The following CHSY3 variants were observed in gnomAD, a reference collection of about 807,000 sequenced individuals.
The protein encoded by CHSY3 is chondroitin sulfate synthase 3.
Under a neutral mutation model 67.2 loss-of-function variants are expected in CHSY3, and 35 were observed. That is an observed-to-expected ratio of 0.52 (90% CI 0.40 to 0.69). The LOEUF (loss-of-function observed/expected upper bound fraction) is 0.69, where lower values mean the gene tolerates loss of function less well. CHSY3 is among the 30% of genes least tolerant of loss of function. The probability of loss-of-function intolerance (pLI) is 0.00; values close to 1 mark genes in which losing one functional copy is unlikely to be tolerated. For missense variants in CHSY3, 1,069 were observed against 1,138.5 expected (o/e 0.94, Z 0.88); for synonymous variants, 474 against 434.7 (o/e 1.09, Z -1.12).
At chr5:130,143,516 G>A (rs185755281) in intron 2 of CHSY3, among the ~76,000 whole-genome samples, 16 of 151,586 alleles carry the variant, frequency 1.1e-4, no homozygotes, top group Non-Finnish European at 1.9e-4. Flanking sequence ...TGCATGGAGC[G>A]ATGGTTTGCT....
chr5:129,938,377 C>T (rs1248222359), intron 2 of CHSY3, among the ~76,000 whole-genome samples: 1 of 152,210 alleles, frequency 6.6e-6, no homozygotes, highest in Non-Finnish European at 1.5e-5. Flanking sequence ...TTCATGTTTA[C>T]TTATGCAAAT....
chr5:130,007,941 A>G (rs747270735), intron 2 of CHSY3, among the ~76,000 whole-genome samples: 1 of 152,100 alleles, frequency 6.6e-6, no homozygotes, highest in African/African-American at 2.4e-5. Flanking sequence ...AAAAGCCACT[A>G]CCATAGCTTT....
In CHSY3 at chr5:129,932,103, CATATATATATAT is replaced by C. The variant is rs33960181; in HGVS notation, c.1086+23772_1086+23783del. ...CCATATGTAATGTAAACCATAAAAC[CATATATATATAT>C]ATATATATATATATATATATATATA... On this transcript the variant is annotated intron_variant, in intron 2 of 2. Transcript: ENST00000305031. 1.1e-3 allele frequency among the ~76,000 whole-genome samples: 124 copies of C among 115,022 alleles called. 2 individuals are homozygous for C. The highest frequency in any genetic ancestry group is 4.0e-3 in the African/African-American group (104 of 26,308). The allele number at this position is 115,022 out of a possible 152,430, so 75.5% of individuals were successfully genotyped here. A position where few individuals can be genotyped will look rare whatever the true frequency, so the allele number is the denominator to read the frequency against.
intron 2 of CHSY3, among the ~76,000 whole-genome samples, chr5:130,118,013 G>A (rs1767873254): frequency 6.6e-6 from 1 of 152,008 alleles, no homozygotes; most frequent in Admixed American, 6.6e-5. Flanking sequence ...GTGAGATCTG[G>A]TTGTTTAAAA....
chr5:130,152,576 T>G (rs1302070162), intron 2 of CHSY3, among the ~76,000 whole-genome samples: 1 of 152,150 alleles, frequency 6.6e-6, no homozygotes, highest in African/African-American at 2.4e-5. Context: ...TAATCAGTGT[T>G]CTCTTGCTAA....
At chr5:129,952,781 A>G (rs1762059535) in intron 2 of CHSY3, among the ~76,000 whole-genome samples, 1 of 152,194 alleles carries the variant, frequency 6.6e-6, no homozygotes, top group Admixed American at 6.5e-5. Context: ...TGAGACAGGA[A>G]GAGAGGAAAA....
At chr5:129,935,995 A>G (rs1761475251) in intron 2 of CHSY3, among the ~76,000 whole-genome samples, 1 of 152,120 alleles carries the variant, frequency 6.6e-6, no homozygotes, top group South Asian at 2.1e-4. Context: ...ACTCGGGCTG[A>G]AAAAAAATCT....
chr5:130,134,118 A>T (rs1312659410), intron 2 of CHSY3, among the ~76,000 whole-genome samples: 1 of 152,176 alleles, frequency 6.6e-6, no homozygotes, highest in Non-Finnish European at 1.5e-5. Flanking sequence ...TACAGAAGTG[A>T]TGTTGCTTTC....
At chr5:130,147,928 T>G (rs1348200516) in intron 2 of CHSY3, among the ~76,000 whole-genome samples, 1 of 152,160 alleles carries the variant, frequency 6.6e-6, no homozygotes, top group Non-Finnish European at 1.5e-5. Flanking sequence ...CATGGGGGGT[T>G]GTTGTACAGA....
intron 2 of CHSY3, among the ~76,000 whole-genome samples, chr5:129,973,518 T>G (rs1337362660): frequency 2.0e-5 from 3 of 152,150 alleles, no homozygotes; most frequent in African/African-American, 2.4e-5. Flanking sequence ...TTAAGTGCAA[T>G]TCAGTTTCTT....
chr5:129,988,645 T>C (rs1316470680), intron 2 of CHSY3, among the ~76,000 whole-genome samples: 1 of 152,204 alleles, frequency 6.6e-6, no homozygotes, highest in Non-Finnish European at 1.5e-5. Flanking sequence ...AATGAATATA[T>C]TGTGCAATAG....
At chr5:130,018,797 C>A (rs1764283361) in intron 2 of CHSY3, among the ~76,000 whole-genome samples, 1 of 152,216 alleles carries the variant, frequency 6.6e-6, no homozygotes. Context: ...GTGATGGGGG[C>A]AGACCCCTCA....
intron 2 of CHSY3, among the ~76,000 whole-genome samples, chr5:129,926,650 T>C (rs959792137): frequency 2.0e-5 from 3 of 151,912 alleles, no homozygotes. Flanking sequence ...GCAGTTGTGG[T>C]AAATCAAATT....
At chr5:129,983,875 C>G (rs1331102856) in intron 2 of CHSY3, among the ~76,000 whole-genome samples, 1 of 151,998 alleles carries the variant, frequency 6.6e-6, no homozygotes, top group African/African-American at 2.4e-5. Flanking sequence ...TCATGAAATT[C>G]TTTGGTCATC....
intron 2 of CHSY3, among the ~76,000 whole-genome samples, chr5:129,954,216 A>G (rs368118079): frequency 6.6e-6 from 1 of 152,122 alleles, no homozygotes; most frequent in Non-Finnish European, 1.5e-5. Context: ...AGTTTTCCCA[A>G]CACCAGTGAT....
chr5:130,159,735 G>C (rs1769475529), intron 2 of CHSY3, among the ~76,000 whole-genome samples: 1 of 152,148 alleles, frequency 6.6e-6, no homozygotes, highest in African/African-American at 2.4e-5. Flanking sequence ...CACATGACTA[G>C]AGGTATGATT....
At chr5:130,103,932 A>G (rs1767333330) in intron 2 of CHSY3, among the ~76,000 whole-genome samples, 1 of 151,968 alleles carries the variant, frequency 6.6e-6, no homozygotes, top group Non-Finnish European at 1.5e-5. Context: ...AGTATCTTAT[A>G]TCTTAAAAGT....
At chr5:130,141,011 C>T in intron 2 of CHSY3, 1 of 331,994 alleles carries the variant, frequency 3.0e-6, no homozygotes, top group African/African-American at 2.2e-5. Context: ...AGACAAGTCA[C>T]AGATCCATGA....
intron 2 of CHSY3, chr5:130,001,379 C>T: frequency 5.6e-6 from 5 of 894,542 alleles, no homozygotes; most frequent in Non-Finnish European, 6.7e-6. Flanking sequence ...TCCTCCTACT[C>T]TTCTTCTCCT....
Sources: allele counts gnomAD v4.1 joint callset (sites outside exome capture counted in the v4.1 genomes callset), GRCh38; gene constraint gnomAD v4.1.1; transcripts MANE v1.5; gene names NCBI Gene and HGNC (gene_info 2026-07-23, HGNC 2026-07-21).